Variants in RIN2 observed in about 807,000 individuals in gnomAD.
The protein encoded by RIN2 is RAB5 interacting protein 2.
Under a neutral mutation model 78.0 loss-of-function variants are expected in RIN2, and 36 were observed. The observed-to-expected ratio is 0.46, with a 90% CI of 0.35 to 0.61. The LOEUF is 0.61. RIN2 is among the 20% of genes least tolerant of loss of function. The probability of loss-of-function intolerance (pLI) is 0.00; values close to 1 mark genes in which losing one functional copy is unlikely to be tolerated. For missense variants in RIN2, 1,087 were observed against 1,159.7 expected, an observed-to-expected ratio of 0.94 and a Z score of 0.91; for synonymous variants, 466 against 466.8, an observed-to-expected ratio of 1.00 and a Z score of 0.02.
At chr20:19,997,813 T>C (rs2043018937) in intron 12 of RIN2, among the ~76,000 whole-genome samples, 1 of 152,162 alleles carries the variant, frequency 6.6e-6, no homozygotes, top group African/African-American at 2.4e-5. Flanking sequence ...GCTCATTGTC[T>C]ATGAAATAAT....
intron 2 of RIN2, among the ~76,000 whole-genome samples, chr20:19,869,689 A>G (rs999994466): frequency 2.6e-5 from 4 of 151,482 alleles, no homozygotes; most frequent in African/African-American, 9.7e-5. Flanking sequence ...GCAGTGGTGC[A>G]ATCACAGCTA....
chr20:19,892,812 G>A (rs2123527232), intron 3 of RIN2, among the ~76,000 whole-genome samples: 1 of 152,290 alleles, frequency 6.6e-6, no homozygotes, highest in South Asian at 2.1e-4. Flanking sequence ...TTCTTTGCAG[G>A]TTCATTTGTA....
In RIN2 at chr20:19,958,105, C is replaced by T. The variant is rs1444233321; in HGVS notation, c.351+1298C>T. 3.9e-5 allele frequency among the ~76,000 whole-genome samples: 6 copies of T among 152,210 alleles called. No individual in the cohort carries two copies. The South Asian group carries it at 1.0e-3, about 26-fold the overall frequency. On this transcript the variant is annotated intron_variant, in intron 5 of 12. Coordinates refer to ENST00000255006, the MANE Select transcript of RIN2 (RefSeq NM_018993.4). ...TCCTAGCAGTCAGAGTCTGTCTGTT[C>T]TCACTTTTTAAAAAACATATGAATC...
chr20:19,975,186 G>A lies in RIN2; in HGVS notation c.1161G>A (p.Glu387=), dbSNP rs2146321218. 1.2e-6 allele frequency: 2 copies of A among 1,607,610 alleles called. No individual in the cohort carries two copies. The highest frequency in any genetic ancestry group is 1.7e-6 in the Non-Finnish European group (2 of 1,177,336). ...LSGGRPGAGP[E]LELGTAGSPG... Reference sequence around the variant, plus strand: ...GCGGCCGGCCGGGCGCAGGCCCGGAGCTGGAGCTGGGCACAGCTGGCAGCC... The same window carrying A: ...GCGGCCGGCCGGGCGCAGGCCCGGAACTGGAGCTGGGCACAGCTGGCAGCC... Residue 387 remains glutamate (E), a synonymous_variant, in exon 9 of 13, where the codon GAG becomes GAA. Coordinates refer to ENST00000255006, the MANE Select transcript of RIN2 (RefSeq NM_018993.4). This position sits in a 1 kb window ranked among gnomAD's most constrained non-coding sequence, Gnocchi z 4.9.
intron 2 of RIN2, among the ~76,000 whole-genome samples, chr20:19,859,441 C>T (rs1169445055): frequency 6.6e-6 from 1 of 152,164 alleles, no homozygotes. Context: ...GCATAAAATG[C>T]CAATTTCCCC....
chr20:19,774,896 G>A (rs2034259713), intron 1 of RIN2, among the ~76,000 whole-genome samples: 1 of 152,204 alleles, frequency 6.6e-6, no homozygotes, highest in Admixed American at 6.5e-5. Flanking sequence ...GGAAAGAATT[G>A]GAGGCAAAAT....
chr20:19,990,376 C>T, intron 10 of RIN2, 65 bp downstream of exon 10: 1 of 1,465,454 alleles, frequency 6.8e-7, no homozygotes, highest in Non-Finnish European at 9.2e-7. Context: ...GGCCTCTCTC[C>T]TGTCAGGCTT....
intron 2 of RIN2, chr20:19,809,042 C>T (rs1025356810): frequency 1.3e-5 from 2 of 152,310 alleles, no homozygotes; most frequent in African/African-American, 4.8e-5. Flanking sequence ...AAACCCTCTG[C>T]CTAGGGTTCT....
intron 3 of RIN2, among the ~76,000 whole-genome samples, chr20:19,907,495 C>G (rs543236119): frequency 1.3e-5 from 2 of 152,132 alleles, no homozygotes; most frequent in Admixed American, 6.5e-5. Context: ...TCACTTATCA[C>G]CAGAGCGAGG....
intron 3 of RIN2, chr20:19,934,751 C>A (rs2040566259): frequency 6.8e-6 from 2 of 292,826 alleles, no homozygotes; most frequent in Non-Finnish European, 1.0e-5. Flanking sequence ...CCCGGTTTTG[C>A]CAGGATGTAT....
intron 3 of RIN2, among the ~76,000 whole-genome samples, chr20:19,900,945 CAAAAAAAAAAAAAA>C (rs869239642): frequency 1.0e-4 from 3 of 29,572 alleles, no homozygotes; most frequent in Non-Finnish European, 2.5e-4. Context: ...AGCTCTGTCT[CAAAAAAAAAAAAAA>C]AAAAAAAAAA....
intron 7 of RIN2, among the ~76,000 whole-genome samples, chr20:19,965,963 T>G (rs1050992484): frequency 6.6e-5 from 10 of 152,078 alleles, no homozygotes; most frequent in African/African-American, 9.7e-5. Context: ...TGAAAGGCTT[T>G]CTTTCTTTCT....
In RIN2 at chr20:19,996,813, C is replaced by G; in HGVS notation, c.2335C>G (p.Arg779Gly). 6.2e-7 allele frequency: 1 copy of G among 1,603,916 alleles called. No homozygotes were observed. Among genetic ancestry groups the G allele is most frequent in the South Asian group, 1.1e-5 (1 of 89,458 alleles). Residue 779 changes from arginine (R) to glycine (G), a missense_variant, in exon 12 of 13, where the codon CGG (arginine) becomes GGG (glycine). This residue lies in a region of RIN2 where 160 missense variants were observed against 179.4 expected (regional missense o/e 0.89). Coordinates refer to ENST00000255006, the MANE Select transcript of RIN2 (RefSeq NM_018993.4). ...GTGGCACAAACGGAGAACCACCAAC[C>G]GGACCATCCCCTCTGTGGACGACTT... The part of the protein sequence containing the change: ...RQWHKRRTTN[R>G]TIPSVDDFQN...
At chr20:19,898,594 A>G (rs1281600524) in intron 3 of RIN2, among the ~76,000 whole-genome samples, 2 of 152,248 alleles carry the variant, frequency 1.3e-5, no homozygotes, top group Admixed American at 6.5e-5. Context: ...TTGCTGAGTT[A>G]AAATCCAAAC....
chr20:19,884,470 G>A (rs550196348), intron 2 of RIN2, among the ~76,000 whole-genome samples: 1 of 152,074 alleles, frequency 6.6e-6, no homozygotes, highest in Non-Finnish European at 1.5e-5. Context: ...GTTGAGTAAG[G>A]GGGCTGGGAA....
At chr20:19,927,732 T>C (rs1043431075) in intron 3 of RIN2, among the ~76,000 whole-genome samples, 1 of 151,986 alleles carries the variant, frequency 6.6e-6, no homozygotes, top group Admixed American at 6.6e-5. Context: ...TACTTTTTTG[T>C]AGAGCCAAGG....
At position 19,918,662 on chromosome 20, in the gene RIN2, C is replaced by T. The variant is rs754384640; in HGVS notation, c.58-16437C>T. Among the ~76,000 whole-genome samples the T allele has an allele frequency of 3.1e-4, 47 of 151,870 alleles. 1 individual carries two copies. Among genetic ancestry groups the T allele is most frequent in the Admixed American group, 1.3e-3 (20 of 15,234 alleles). On this transcript the variant is annotated intron_variant, in intron 3 of 12. Transcript: ENST00000255006. Reference sequence around the variant, plus strand: ...CTGGCTAAAGACATAAAAGGCAATACAATTAAAACCTCTGGGGTTCTCTTT... The same window carrying T: ...CTGGCTAAAGACATAAAAGGCAATATAATTAAAACCTCTGGGGTTCTCTTT...
chr20:19,918,091 G>T (rs976081247), intron 3 of RIN2, among the ~76,000 whole-genome samples: 1 of 152,148 alleles, frequency 6.6e-6, no homozygotes, highest in Non-Finnish European at 1.5e-5. Context: ...AGCCAGAAAT[G>T]GTAAAAGGGA....
intron 4 of RIN2, among the ~76,000 whole-genome samples, chr20:19,940,423 C>T (rs2040819400): frequency 1.3e-5 from 2 of 152,200 alleles, no homozygotes; most frequent in Non-Finnish European, 2.9e-5. Context: ...AGGCTTCCTC[C>T]CTAGCAAAGA....
Sources: gnomAD v4.1 joint callset for allele counts (sites outside exome capture counted in the v4.1 genomes callset) on GRCh38, gnomAD v4.1.1 for gene constraint, gnomAD v4.1.1 regional missense constraint, Gnocchi (gnomAD v3.1) non-coding constraint, MANE v1.5 for transcripts, NCBI Gene and HGNC (gene_info 2026-07-23, HGNC 2026-07-21) for gene names.